Variants in FANK1 observed in about 807,000 individuals in gnomAD.
FANK1 encodes fibronectin type III and ankyrin repeat domains 1, also known as fibronectin type 3 and ankyrin repeat domains protein 1.
In FANK1, 44 loss-of-function variants were observed where a neutral mutation model predicts 45.3. That is an observed-to-expected ratio of 0.97 (90% CI 0.76 to 1.25). The LOEUF is 1.25. Among genes scored for constraint, FANK1 ranks in the 50% most tolerant of loss-of-function variants. FANK1 has a pLI of 0.00. For synonymous variants in FANK1, 149 were observed against 152.5 expected, an observed-to-expected ratio of 0.98 and a Z score of 0.17; for missense variants, 391 against 424.4, an observed-to-expected ratio of 0.92 and a Z score of 0.69.
In FANK1 at chr10:125,980,346, C is replaced by T; in HGVS notation, c.191+8C>T. ...TTATGGTATCATTTATACGTAGGTG[C>T]AGTGTTGAATTGCTTGCCACTTTGC... On this transcript the variant is annotated splice_region_variant and intron_variant, in intron 2 of 10. Transcript: ENST00000368693. 6.2e-7 allele frequency: 1 copy of T among 1,610,514 alleles called. No homozygotes were observed. Among genetic ancestry groups the T allele is most frequent in the Non-Finnish European group, 8.5e-7 (1 of 1,178,882 alleles).
intron 1 of FANK1, among the ~76,000 whole-genome samples, chr10:125,899,759 C>T (rs1294248836): frequency 2.0e-5 from 3 of 152,176 alleles, no homozygotes; most frequent in Non-Finnish European, 4.4e-5. Context: ...ATTATGTTAA[C>T]AGTACATTGT....
intron 1 of FANK1, 131 bp from the exon 2 acceptor site, chr10:125,980,030 G>A: frequency 1.1e-6 from 1 of 885,780 alleles, no homozygotes; most frequent in Non-Finnish European, 1.7e-6. Flanking sequence ...TAAGCAACAG[G>A]GAGGTATGCT....
rs567721089 is a variant in FANK1 at position 125,956,344 on chromosome 10, C to G, written c.14-23817C>G. On this transcript the variant is annotated intron_variant, in intron 1 of 10. Coordinates refer to ENST00000368693, the MANE Select transcript of FANK1 (RefSeq NM_145235.5). ...ATCAAAGGCTGTCTTAAAGATTGTA[C>G]AGAAAATATGATTTATTGGAGATAT... 3.3e-5 allele frequency among the ~76,000 whole-genome samples: 5 copies of G among 152,222 alleles called. No homozygotes were observed. In the South Asian group the frequency reaches 6.2e-4, roughly 19 times the overall value.
Position 125,947,142 on chromosome 10 carries a change from C to T in FANK1, c.14-33019C>T, listed in dbSNP as rs1455322956. ...TAAACATGGAAAGGAACAACCGGTACCAGCTGCTGCAAAATCATGCCAAAA... is the reference window on the plus strand; with the variant it reads ...TAAACATGGAAAGGAACAACCGGTATCAGCTGCTGCAAAATCATGCCAAAA... On this transcript the variant is annotated intron_variant, in intron 1 of 10. Coordinates refer to ENST00000368693, the MANE Select transcript of FANK1 (RefSeq NM_145235.5). Among the ~76,000 whole-genome samples, 2 of 151,584 alleles carry T rather than the reference C, an allele frequency of 1.3e-5. 1 individual carries two copies. The highest frequency in any genetic ancestry group is 4.2e-4 in the South Asian group (2 of 4,780).
At chr10:125,939,801 T>C (rs1019933463) in intron 1 of FANK1, among the ~76,000 whole-genome samples, 1 of 152,094 alleles carries the variant, frequency 6.6e-6, no homozygotes, top group Admixed American at 6.6e-5. Context: ...GATGATTGCC[T>C]TACATAATAA....
At chr10:125,967,003 C>T (rs1369669246) in intron 1 of FANK1, among the ~76,000 whole-genome samples, 5 of 152,168 alleles carry the variant, frequency 3.3e-5, no homozygotes, top group Non-Finnish European at 5.9e-5. Flanking sequence ...TTTGTAAGTT[C>T]GTACCCTTTC....
chr10:125,948,014 A>G (rs1948935205), intron 1 of FANK1, among the ~76,000 whole-genome samples: 1 of 150,450 alleles, frequency 6.6e-6, no homozygotes, highest in Non-Finnish European at 1.5e-5. Flanking sequence ...CTGAATGACT[A>G]CTGGGTACAT....
chr10:125,957,245 T>C (rs1342848576), intron 1 of FANK1, among the ~76,000 whole-genome samples: 1 of 152,194 alleles, frequency 6.6e-6, no homozygotes, highest in Non-Finnish European at 1.5e-5. Flanking sequence ...ACAGTATTCT[T>C]CCAGGCCCCA....
chr10:125,945,485 G>A (rs559306331), intron 1 of FANK1, among the ~76,000 whole-genome samples: 28 of 152,340 alleles, frequency 1.8e-4, no homozygotes, highest in African/African-American at 6.3e-4. Context: ...AAAGAAAGGG[G>A]TGACAGACGC....
intron 1 of FANK1, among the ~76,000 whole-genome samples, chr10:125,978,933 C>T (rs1388883682): frequency 6.6e-6 from 1 of 152,222 alleles, no homozygotes; most frequent in African/African-American, 2.4e-5. Context: ...GCTGGAAAGC[C>T]TGAGTAGCTA....
intron 1 of FANK1, among the ~76,000 whole-genome samples, chr10:125,952,870 G>A (rs925350527): frequency 6.7e-6 from 1 of 148,906 alleles, no homozygotes; most frequent in East Asian, 2.0e-4. Flanking sequence ...CTGTTCTTAC[G>A]TGCCTGATAT....
At chr10:126,008,010 G>T (rs1050300824) in intron 7 of FANK1, among the ~76,000 whole-genome samples, 1 of 152,128 alleles carries the variant, frequency 6.6e-6, no homozygotes, top group East Asian at 1.9e-4. Context: ...GTATTAGTAA[G>T]TATAAGTGTG....
intron 5 of FANK1, among the ~76,000 whole-genome samples, chr10:125,997,113 A>G (rs551790624): frequency 7.2e-5 from 11 of 152,352 alleles, no homozygotes; most frequent in South Asian, 2.1e-4. Context: ...GCTACCATTT[A>G]AGAATACATT....
chr10:125,906,149 C>A (rs527414571), intron 1 of FANK1, among the ~76,000 whole-genome samples: 77 of 152,348 alleles, frequency 5.1e-4, no homozygotes, highest in African/African-American at 1.7e-3. Flanking sequence ...GCTGGCTAGT[C>A]TTTAATATTC....
intron 1 of FANK1, among the ~76,000 whole-genome samples, chr10:125,917,598 G>C (rs1326375251): frequency 6.6e-6 from 1 of 152,140 alleles, no homozygotes; most frequent in African/African-American, 2.4e-5. Context: ...GTTACTTCCA[G>C]AAAAGTCAAT....
chr10:125,951,102 G>T (rs963450280), intron 1 of FANK1, among the ~76,000 whole-genome samples: 1 of 115,018 alleles, frequency 8.7e-6, no homozygotes, highest in African/African-American at 3.2e-5. Context: ...GTGGGGTGGG[G>T]GGAGGGGGGA....
At chr10:126,008,627 T>TGTAATTAGACAATTTC in intron 8 of FANK1, 77 bp downstream of exon 8, 1 of 1,518,428 alleles carries the variant, frequency 6.6e-7, no homozygotes, top group East Asian at 2.3e-5. Context: ...TAGACAATTC[T>TGTAATTAGACAATTTC]TGTGAGTTCA....
At position 125,954,756 on chromosome 10, in the gene FANK1, C is replaced by T. The variant is rs370738180; in HGVS notation, c.14-25405C>T. Among the ~76,000 whole-genome samples, 9 of 152,086 alleles carry T rather than the reference C, an allele frequency of 5.9e-5. No individual in the cohort carries two copies. In the East Asian group the frequency reaches 9.7e-4, roughly 16 times the overall value. ...CCAACATAGTGAAACCCTGCCTCTACTAAAAATATAAAAATTAGCCGGGCC... is the reference window on the plus strand; with the variant it reads ...CCAACATAGTGAAACCCTGCCTCTATTAAAAATATAAAAATTAGCCGGGCC... On this transcript the variant is annotated intron_variant, in intron 1 of 10. Transcript: ENST00000368693.
In FANK1 at chr10:125,987,803, A is replaced by G. The variant is rs149834421; in HGVS notation, c.192-748A>G. Among the ~76,000 whole-genome samples, 505 of 152,242 alleles carry G rather than the reference A, an allele frequency of 3.3e-3. 3 individuals carry two copies. Among genetic ancestry groups the G allele is most frequent in the African/African-American group, 0.011 (466 of 41,536 alleles). On this transcript the variant is annotated intron_variant, in intron 2 of 10. Coordinates refer to ENST00000368693, the MANE Select transcript of FANK1 (RefSeq NM_145235.5). ...CCTCACAAGCAGAAGGTGGGGTCTT[A>G]TCTTAGCACTTGCGCTAGGTCCCAG...
Sources: gnomAD v4.1 joint callset for allele counts (sites outside exome capture counted in the v4.1 genomes callset) on GRCh38, gnomAD v4.1.1 for gene constraint, MANE v1.5 for transcripts, NCBI Gene and HGNC (gene_info 2026-07-23, HGNC 2026-07-21) for gene names.